JPH3: variants seen among roughly 807,000 people sequenced by gnomAD.
JPH3 encodes junctophilin-3.
Under a neutral mutation model 59.6 loss-of-function variants are expected in JPH3, and 11 were observed. The ratio of observed to expected loss-of-function variants is 0.18; its 90% confidence interval spans 0.12 to 0.31. The LOEUF (loss-of-function observed/expected upper bound fraction) is 0.31, where lower values mean the gene tolerates loss of function less well. Among genes scored for constraint, JPH3 ranks in the 10% least tolerant of loss-of-function variants. JPH3 has a pLI of 1.00. For synonymous variants in JPH3, 673 were observed against 483.6 expected (o/e 1.39, Z -5.14); for missense variants, 1,202 against 1,105.7 (o/e 1.09, Z -1.24).
chr16:87,634,944 G>A (rs182993886), intron 1 of JPH3, among the ~76,000 whole-genome samples: 17 of 152,368 alleles, frequency 1.1e-4, no homozygotes, highest in African/African-American at 3.8e-4. Context: ...TCTTTAAGTG[G>A]ACACAGTAAG....
Position 87,607,044 on chromosome 16 carries a change from C to T in JPH3, c.382+3516C>T, listed in dbSNP as rs140113733. 1.5e-3 allele frequency among the ~76,000 whole-genome samples: 222 copies of T among 152,282 alleles called. 1 individual carries two copies. Among genetic ancestry groups the T allele is most frequent in the Non-Finnish European group, 2.7e-3 (182 of 68,018 alleles). The stretch of plus-strand genomic sequence containing the variant: ...GAGCCTGGGCCTTTGCTAGGTACGT[C>T]GCTCTCTAAATGCCCCTGTGCAAAA... On this transcript the variant is annotated intron_variant, in intron 1 of 4. Coordinates refer to ENST00000284262, the MANE Select transcript of JPH3 (RefSeq NM_020655.4).
intron 1 of JPH3, among the ~76,000 whole-genome samples, chr16:87,619,274 C>G (rs986235150): frequency 4.0e-5 from 6 of 149,450 alleles, no homozygotes; most frequent in Admixed American, 2.0e-4. Flanking sequence ...GATCACGCCA[C>G]TGCATTCCAG....
intron 1 of JPH3, among the ~76,000 whole-genome samples, chr16:87,622,071 G>C (rs1261294523): frequency 6.6e-6 from 1 of 151,370 alleles, no homozygotes; most frequent in Non-Finnish European, 1.5e-5. Context: ...ACAGAAGAAC[G>C]ACGCAGCCTG....
chr16:87,673,206 A>G (rs1363880007), intron 2 of JPH3, among the ~76,000 whole-genome samples: 1 of 152,054 alleles, frequency 6.6e-6, no homozygotes, highest in Admixed American at 6.6e-5. Flanking sequence ...ACTGCATAAA[A>G]CACTTCTACA....
chr16:87,603,538 G>GCGGGC lies in JPH3; in HGVS notation c.382+25_382+29dup, dbSNP rs759694681. ...ACCTACTCGGACGGAGGTAGGTGCC[G>GCGGGC]CGGGCCGGGCCGGGCCGGGGCGGGA... On this transcript the variant is annotated intron_variant, in intron 1 of 4. Transcript: ENST00000284262. The GCGGGC allele has an allele frequency of 4.1e-5, 64 of 1,545,456 alleles. No individual in the cohort carries two copies. The highest frequency in any genetic ancestry group is 2.9e-4 in the East Asian group (12 of 40,878).
intron 1 of JPH3, among the ~76,000 whole-genome samples, chr16:87,619,400 C>T (rs892312483): frequency 1.3e-5 from 2 of 152,178 alleles, no homozygotes; most frequent in African/African-American, 2.4e-5. Flanking sequence ...TGTGAGCCAC[C>T]GGCTCCCCTG....
chr16:87,656,513 A>G (rs768205896), intron 2 of JPH3, among the ~76,000 whole-genome samples: 22 of 152,212 alleles, frequency 1.4e-4, no homozygotes, highest in Non-Finnish European at 1.9e-4. Flanking sequence ...ATGAGGGTGA[A>G]GGAACTCGGC....
At chr16:87,656,779 A>T (rs1180364139) in intron 2 of JPH3, among the ~76,000 whole-genome samples, 1 of 152,104 alleles carries the variant, frequency 6.6e-6, no homozygotes, top group Non-Finnish European at 1.5e-5. Context: ...CTCAGCTTGG[A>T]CTGCCATAAC....
intron 1 of JPH3, among the ~76,000 whole-genome samples, chr16:87,620,455 G>GA (rs1567584948): frequency 7.1e-6 from 1 of 140,424 alleles, no homozygotes; most frequent in African/African-American, 2.8e-5. Context: ...AGAGAGAGAA[G>GA]GAGAGAGAGG....
chr16:87,647,700 C>A (rs2032198239), intron 2 of JPH3, among the ~76,000 whole-genome samples: 1 of 152,196 alleles, frequency 6.6e-6, no homozygotes, highest in African/African-American at 2.4e-5. Flanking sequence ...ACACACGGCT[C>A]TGCACACCAC....
At chr16:87,657,725 C>T (rs1242971920) in intron 2 of JPH3, among the ~76,000 whole-genome samples, 1 of 152,184 alleles carries the variant, frequency 6.6e-6, no homozygotes, top group Non-Finnish European at 1.5e-5. Context: ...CCCCCATGAC[C>T]ACAGGAAGAC....
chr16:87,655,097 C>G (rs117983347), intron 2 of JPH3: 1 of 152,196 alleles, frequency 6.6e-6, no homozygotes, highest in South Asian at 2.1e-4. Flanking sequence ...TGGGGCTCTG[C>G]TTGGTTTCTC....
intron 1 of JPH3, among the ~76,000 whole-genome samples, chr16:87,619,188 C>A (rs1364438814): frequency 3.3e-5 from 5 of 151,860 alleles, no homozygotes; most frequent in Non-Finnish European, 7.4e-5. Flanking sequence ...ATGGTGGTGC[C>A]TGTAGTCCCA....
chr16:87,695,937 G>C, intron 4 of JPH3: 1 of 456,082 alleles, frequency 2.2e-6, no homozygotes, highest in Non-Finnish European at 4.4e-6. Flanking sequence ...GAGGACTTGT[G>C]AGCCACTTCA....
chr16:87,615,625 T>C (rs2030927582), intron 1 of JPH3, among the ~76,000 whole-genome samples: 1 of 152,170 alleles, frequency 6.6e-6, no homozygotes, highest in Non-Finnish European at 1.5e-5. Flanking sequence ...ATAGCTCCAG[T>C]CACGAGTCTC....
At chr16:87,620,664 C>T (rs1262702995) in intron 1 of JPH3, among the ~76,000 whole-genome samples, 5 of 152,120 alleles carry the variant, frequency 3.3e-5, no homozygotes, top group Non-Finnish European at 5.9e-5. Flanking sequence ...GCTCTTTTTG[C>T]GTCTTTCCTT....
At chr16:87,690,973 G>T (rs1167928279) in intron 4 of JPH3, among the ~76,000 whole-genome samples, 4 of 152,190 alleles carry the variant, frequency 2.6e-5, no homozygotes, top group Admixed American at 6.5e-5. Flanking sequence ...GTCAGGTCTG[G>T]GGTTGGGGGG....
chr16:87,656,128 C>T (rs766564189), intron 2 of JPH3, among the ~76,000 whole-genome samples: 3 of 152,230 alleles, frequency 2.0e-5, no homozygotes, highest in Non-Finnish European at 4.4e-5. Context: ...CCAGTGTATG[C>T]TGTGAGCCAG....
intron 2 of JPH3, among the ~76,000 whole-genome samples, chr16:87,673,313 G>A (rs1277537143): frequency 1.0e-4 from 10 of 100,484 alleles, no homozygotes; most frequent in Non-Finnish European, 1.4e-4. Context: ...TCTTGGGAGA[G>A]ATTTAAAAAA....
Sources: allele counts gnomAD v4.1 joint callset (sites outside exome capture counted in the v4.1 genomes callset), GRCh38; gene constraint gnomAD v4.1.1; transcripts MANE v1.5; gene names NCBI Gene and HGNC (gene_info 2026-07-23, HGNC 2026-07-21).